Variants in GSTCD observed in about 807,000 individuals in gnomAD.
The protein encoded by GSTCD is glutathione S-transferase C-terminal domain containing.
Under a neutral mutation model 68.3 loss-of-function variants are expected in GSTCD, and 44 were observed. The ratio of observed to expected loss-of-function variants is 0.64; its 90% CI spans 0.51 to 0.83. GSTCD has a LOEUF of 0.83. GSTCD is among the 40% of genes least tolerant of loss of function. The pLI is 0.00. For missense variants in GSTCD, 739 were observed against 735.9 expected (o/e 1.00, Z -0.05); for synonymous variants, 273 against 255.2 (o/e 1.07, Z -0.67).
At chr4:105,731,522 GCTCT>G (rs1390367007) in intron 5 of GSTCD, among the ~76,000 whole-genome samples, 2 of 150,908 alleles carry the variant, frequency 1.3e-5, no homozygotes, top group Non-Finnish European at 3.0e-5. Context: ...TCATAATTTG[GCTCT>G]CTGTCTGTTA....
chr4:105,796,265 T>G (rs968616860), intron 5 of GSTCD, among the ~76,000 whole-genome samples: 1 of 152,072 alleles, frequency 6.6e-6, no homozygotes, highest in Non-Finnish European at 1.5e-5. Flanking sequence ...TCTCGTGAGA[T>G]TTATTCACCA....
At chr4:105,838,650 A>G (rs1367404204) in intron 10 of GSTCD, among the ~76,000 whole-genome samples, 10 of 152,258 alleles carry the variant, frequency 6.6e-5, no homozygotes, top group Admixed American at 6.5e-4. Context: ...AGAGACCCAC[A>G]GAGAATTGTC....
chr4:105,812,401 G>A (rs1418395152), intron 5 of GSTCD, among the ~76,000 whole-genome samples: 3 of 151,896 alleles, frequency 2.0e-5, no homozygotes, highest in Non-Finnish European at 4.4e-5. Flanking sequence ...GGGTCTCACT[G>A]TGTTGACCAG....
chr4:105,825,035 A>T (rs1401047282), intron 7 of GSTCD, among the ~76,000 whole-genome samples: 2 of 152,042 alleles, frequency 1.3e-5, no homozygotes, highest in Non-Finnish European at 2.9e-5. Flanking sequence ...TTTAACGCTT[A>T]TCACACTGTA....
intron 5 of GSTCD, among the ~76,000 whole-genome samples, chr4:105,733,858 A>G (rs960114840): frequency 2.6e-5 from 4 of 152,160 alleles, no homozygotes; most frequent in Non-Finnish European, 5.9e-5. Flanking sequence ...TGCTTCCTTC[A>G]GGAGCTCTTT....
intron 8 of GSTCD, among the ~76,000 whole-genome samples, chr4:105,828,080 A>G (rs1210605804): frequency 6.6e-6 from 1 of 152,204 alleles, no homozygotes; most frequent in Non-Finnish European, 1.5e-5. Flanking sequence ...AAATTTCAAC[A>G]ATAACAAACA....
At chr4:105,758,889 T>G (rs1314403486) in intron 5 of GSTCD, among the ~76,000 whole-genome samples, 1 of 152,198 alleles carries the variant, frequency 6.6e-6, no homozygotes, top group African/African-American at 2.4e-5. Context: ...AACTCATTGT[T>G]TTATTTTGTA....
chr4:105,825,549 A>G (rs1465159937), intron 7 of GSTCD, 123 bp from the exon 8 acceptor site: 1 of 551,876 alleles, frequency 1.8e-6, no homozygotes, highest in African/African-American at 1.9e-5. Flanking sequence ...ACTTCCTGCC[A>G]CAGAATAGAG....
chr4:105,791,691 T>G (rs1413369226), intron 5 of GSTCD, among the ~76,000 whole-genome samples: 1 of 152,076 alleles, frequency 6.6e-6, no homozygotes, highest in African/African-American at 2.4e-5. Flanking sequence ...GAACAGACAC[T>G]TTTTCCATCT....
Position 105,718,179 on chromosome 4 carries a change from GC to G in GSTCD, c.426+143del, listed in dbSNP as rs1305542881. The G allele has an allele frequency of 2.4e-5, 16 of 672,518 alleles. No homozygotes were observed. In the South Asian group the frequency reaches 3.3e-4, roughly 14 times the overall value. 41.7% of individuals were successfully genotyped at this position (672,518 alleles called of 1,614,324 possible). On this transcript the variant is annotated intron_variant, in intron 2 of 11. Transcript: ENST00000515279. ...CCCCAGTAACCAATGAAATAAAGTA[GC>G]CCTTTGATATAGTTTGAATATTTAT...
intron 1 of GSTCD, among the ~76,000 whole-genome samples, chr4:105,712,858 A>C (rs1254480585): frequency 1.3e-5 from 2 of 152,182 alleles, no homozygotes; most frequent in East Asian, 3.8e-4. Flanking sequence ...GAGCAGGTTT[A>C]GAAAAACATC....
At chr4:105,824,417 T>G (rs1723481599) in intron 7 of GSTCD, among the ~76,000 whole-genome samples, 1 of 152,110 alleles carries the variant, frequency 6.6e-6, no homozygotes, top group Non-Finnish European at 1.5e-5. Context: ...TTCTGGAAGT[T>G]TAGAAAGGTT....
intron 5 of GSTCD, among the ~76,000 whole-genome samples, chr4:105,770,202 A>G (rs185692754): frequency 6.6e-6 from 1 of 152,316 alleles, no homozygotes; most frequent in East Asian, 1.9e-4. Flanking sequence ...TCAGATCTTA[A>G]AAGTTCAGCA....
At chr4:105,736,462 G>C (rs1733467086) in intron 5 of GSTCD, among the ~76,000 whole-genome samples, 1 of 151,966 alleles carries the variant, frequency 6.6e-6, no homozygotes, top group African/African-American at 2.4e-5. Context: ...AATTATATTT[G>C]TTATTTTTTC....
chr4:105,724,111 A>G (rs1732954713), intron 3 of GSTCD, among the ~76,000 whole-genome samples: 1 of 151,810 alleles, frequency 6.6e-6, no homozygotes, highest in Admixed American at 6.6e-5. Context: ...ATATATCTGT[A>G]GAGATTTCCT....
intron 5 of GSTCD, among the ~76,000 whole-genome samples, chr4:105,800,419 C>T (rs1251790952): frequency 1.3e-5 from 2 of 152,142 alleles, no homozygotes; most frequent in African/African-American, 4.8e-5. Flanking sequence ...TGGGTGGGGA[C>T]ACAGCCAAAC....
intron 3 of GSTCD, among the ~76,000 whole-genome samples, chr4:105,725,882 T>C (rs759994531): frequency 1.3e-5 from 2 of 152,082 alleles, no homozygotes; most frequent in Non-Finnish European, 2.9e-5. Context: ...AGACTGATAA[T>C]ACCAAGGTTT....
At chr4:105,756,609 C>CT (rs1734208222) in intron 5 of GSTCD, among the ~76,000 whole-genome samples, 1 of 146,042 alleles carries the variant, frequency 6.8e-6, no homozygotes, top group African/African-American at 2.5e-5. Flanking sequence ...TATAATATGT[C>CT]TTATTATTTC....
chr4:105,714,840 A>G (rs1732637667), intron 1 of GSTCD, among the ~76,000 whole-genome samples: 1 of 152,184 alleles, frequency 6.6e-6, no homozygotes, highest in African/African-American at 2.4e-5. Flanking sequence ...TTAAGTGCTA[A>G]CAGTGAGAAG....
Sources: gnomAD v4.1 joint callset for allele counts (sites outside exome capture counted in the v4.1 genomes callset) on GRCh38, gnomAD v4.1.1 for gene constraint, MANE v1.5 for transcripts, NCBI Gene and HGNC (gene_info 2026-07-23, HGNC 2026-07-21) for gene names.